The following RBFOX3 variants were observed in gnomAD, a reference collection of about 807,000 sequenced individuals.
RBFOX3 encodes the protein RNA binding fox-1 homolog 3.
Under a neutral mutation model 48.7 loss-of-function variants are expected in RBFOX3, and 17 were observed. That is an observed-to-expected ratio of 0.35 (90% CI 0.24 to 0.52). The LOEUF is 0.52. Ranked by LOEUF, RBFOX3 falls within the 20% of genes least tolerant of loss-of-function variation. RBFOX3 has a pLI of 0.94. For synonymous variants in RBFOX3, 212 were observed against 209.5 expected, an observed-to-expected ratio of 1.01 and a Z score of -0.10; for missense variants, 382 against 497.5, an observed-to-expected ratio of 0.77 and a Z score of 2.21.
intron 2 of RBFOX3, among the ~76,000 whole-genome samples, chr17:79,317,931 C>T (rs920910371): frequency 3.3e-5 from 5 of 152,058 alleles, no homozygotes; most frequent in Admixed American, 6.5e-5. Flanking sequence ...CTTGAGTTGT[C>T]GGTTTCATGA....
chr17:79,251,212 C>T (rs567164013), intron 3 of RBFOX3, among the ~76,000 whole-genome samples: 4 of 152,202 alleles, frequency 2.6e-5, no homozygotes, highest in African/African-American at 7.2e-5. Context: ...TGGCTCTATC[C>T]GCCACCCACC....
At chr17:79,580,678 C>T (rs943456848) in intron 1 of RBFOX3, among the ~76,000 whole-genome samples, 35 of 152,252 alleles carry the variant, frequency 2.3e-4, no homozygotes, top group African/African-American at 8.2e-4. Context: ...ATCATGGGTC[C>T]GTCTTGCTCC....
At chr17:79,308,889 CG>C (rs1011675191) in intron 2 of RBFOX3, among the ~76,000 whole-genome samples, 26 of 152,116 alleles carry the variant, frequency 1.7e-4, no homozygotes, top group African/African-American at 6.0e-4. Flanking sequence ...GAAGCCGAGG[CG>C]GGGGGATCAC....
At chr17:79,123,431 C>A (rs1337142942) in intron 4 of RBFOX3, among the ~76,000 whole-genome samples, 2 of 151,998 alleles carry the variant, frequency 1.3e-5, no homozygotes, top group Admixed American at 6.6e-5. Context: ...CTGCCCTTCC[C>A]CCTCTGAGTG....
chr17:79,500,429 G>T (rs1234771073), intron 1 of RBFOX3, among the ~76,000 whole-genome samples: 1 of 151,890 alleles, frequency 6.6e-6, no homozygotes, highest in Non-Finnish European at 1.5e-5. Flanking sequence ...GGCTAATTTT[G>T]CATTTTTAGT....
At chr17:79,563,587 G>A (rs993348295) in intron 1 of RBFOX3, among the ~76,000 whole-genome samples, 2 of 152,234 alleles carry the variant, frequency 1.3e-5, no homozygotes, top group Non-Finnish European at 2.9e-5. Context: ...GGGAAAAGAG[G>A]TGTTACGTTG....
chr17:79,654,056 G>A, the RBFOX3 span, among the ~76,000 whole-genome samples: 951 of 151,796 alleles, frequency 6.3e-3, 11 homozygotes, highest in African/African-American at 0.022. Flanking sequence ...CCACAAAGTA[G>A]GTTATCTAAA....
chr17:79,380,986 G>T (rs1170405217), intron 2 of RBFOX3, among the ~76,000 whole-genome samples: 1 of 152,200 alleles, frequency 6.6e-6, no homozygotes, highest in Non-Finnish European at 1.5e-5. Flanking sequence ...AAGAGGCCAG[G>T]TGCAGTGGCT....
intron 1 of RBFOX3, among the ~76,000 whole-genome samples, chr17:79,577,261 GGTGA>G (rs1405663942): frequency 6.6e-6 from 1 of 152,186 alleles, no homozygotes; most frequent in African/African-American, 2.4e-5. Flanking sequence ...AAAAGTAGTG[GGTGA>G]GTAAGACATT....
intron 1 of RBFOX3, among the ~76,000 whole-genome samples, chr17:79,559,543 GATA>G: frequency 6.8e-6 from 1 of 147,632 alleles, no homozygotes; most frequent in Non-Finnish European, 1.5e-5. Context: ...TGGATGGGTG[GATA>G]GATGAATGGT....
intron 3 of RBFOX3, among the ~76,000 whole-genome samples, chr17:79,271,225 G>A (rs1049158547): frequency 4.6e-5 from 7 of 152,048 alleles, no homozygotes; most frequent in African/African-American, 1.4e-4. Flanking sequence ...ACAGGTGCCC[G>A]TCACCATGCC....
At position 79,190,254 on chromosome 17, in the gene RBFOX3, A is replaced by G. The variant is rs886585580; in HGVS notation, c.-34+45512T>C. 2.6e-5 allele frequency among the ~76,000 whole-genome samples: 4 copies of G among 152,200 alleles called. No individual in the cohort carries two copies. The South Asian group carries it at 6.2e-4, about 24-fold the overall frequency. ...TGGTGAAACCCCATCTCTACTAAAAATACAAAATTAGCCAGGCGTGGTGAC... is the reference window on the plus strand; with the variant it reads ...TGGTGAAACCCCATCTCTACTAAAAGTACAAAATTAGCCAGGCGTGGTGAC... On this transcript the variant is annotated intron_variant, in intron 4 of 14. Coordinates refer to ENST00000693108, the MANE Select transcript of RBFOX3 (RefSeq NM_001350451.2).
intron 4 of RBFOX3, among the ~76,000 whole-genome samples, chr17:79,176,776 A>G (rs932490441): frequency 6.6e-6 from 1 of 152,196 alleles, no homozygotes; most frequent in African/African-American, 2.4e-5. Context: ...TGACCGTGGC[A>G]GAGAGAATAG....
In RBFOX3 at chr17:79,574,969, G is replaced by A. The variant is rs1007721497; in HGVS notation, c.-320+35857C>T. 1.7e-4 allele frequency among the ~76,000 whole-genome samples: 26 copies of A among 152,346 alleles called. No homozygotes were observed. The South Asian group carries it at 2.5e-3, about 15-fold the overall frequency. ...CTCTAACCAGCTCCTGCGTGATGCC[G>A]CTGCTGGTCCAAGGATCGCACTTTG... is the stretch of plus-strand genomic sequence containing the variant. On this transcript the variant is annotated intron_variant, in intron 1 of 14. Transcript: ENST00000693108.
rs999643932 is a variant in RBFOX3 at position 79,550,573 on chromosome 17, A to G, written c.-320+60253T>C. The stretch of plus-strand genomic sequence containing the variant: ...GCTATAATCATTTACGGAATGACGG[A>G]ATGACAAAATGACTAAGTGGATGAA... On this transcript the variant is annotated intron_variant, in intron 1 of 14. Coordinates refer to ENST00000693108, the MANE Select transcript of RBFOX3 (RefSeq NM_001350451.2). Among the ~76,000 whole-genome samples, 3 of 152,350 alleles carry G rather than the reference A, an allele frequency of 2.0e-5. No individual in the cohort carries two copies. In the South Asian group the frequency reaches 6.2e-4, roughly 32 times the overall value.
intron 1 of RBFOX3, among the ~76,000 whole-genome samples, chr17:79,483,219 T>A (rs1223698575): frequency 2.0e-5 from 3 of 151,910 alleles, no homozygotes; most frequent in East Asian, 1.9e-4. Flanking sequence ...AGGTCTCACA[T>A]GGGGGCCGTG....
At chr17:79,451,203 A>G (rs2149137756) in intron 2 of RBFOX3, among the ~76,000 whole-genome samples, 1 of 152,294 alleles carries the variant, frequency 6.6e-6, no homozygotes, top group East Asian at 1.9e-4. Flanking sequence ...AAGAAGTTAT[A>G]TCTAAACACC....
At chr17:79,141,495 G>A (rs1219353418) in intron 4 of RBFOX3, among the ~76,000 whole-genome samples, 2 of 152,144 alleles carry the variant, frequency 1.3e-5, no homozygotes, top group African/African-American at 4.8e-5. Context: ...TCTTCTTATA[G>A]TGGCTCAGAG....
chr17:79,111,184 C>G lies in RBFOX3; in HGVS notation c.222+4310G>C, dbSNP rs1450780961. Among the ~76,000 whole-genome samples, 1 of 152,230 alleles carries G rather than the reference C, an allele frequency of 6.6e-6. No individual in the cohort carries two copies. The highest frequency in any genetic ancestry group is 1.5e-5 in the Non-Finnish European group (1 of 68,038). On this transcript the variant is annotated intron_variant, in intron 5 of 14. Coordinates refer to ENST00000693108, the MANE Select transcript of RBFOX3 (RefSeq NM_001350451.2). The surrounding 1 kb of genome is among the most constrained non-coding windows in gnomAD (Gnocchi z 4.2). ...GCAGGTCACTGGGCAGAGAGGCCTC[C>G]AGGGACCTGGGCGCACAGGCATCTA...
Sources: allele counts gnomAD v4.1 joint callset (sites outside exome capture counted in the v4.1 genomes callset), GRCh38; gene constraint gnomAD v4.1.1; non-coding constraint Gnocchi (gnomAD v3.1); transcripts MANE v1.5; gene names NCBI Gene and HGNC (gene_info 2026-07-23, HGNC 2026-07-21).